Variants in GSTO2 observed in about 807,000 individuals in gnomAD.
GSTO2 encodes the protein glutathione S-transferase omega-2.
A neutral mutation model predicts 28.4 loss-of-function variants in GSTO2; 23 were observed. The ratio of observed to expected loss-of-function variants is 0.81; its 90% CI spans 0.58 to 1.15. The LOEUF (loss-of-function observed/expected upper bound fraction) is 1.15. Among genes scored for constraint, GSTO2 ranks in the 50% most tolerant of loss-of-function variants. GSTO2 has a pLI of 0.00. For missense variants in GSTO2, 298 were observed against 297.8 expected (o/e 1.00, Z 0.00); for synonymous variants, 109 against 111.0 (o/e 0.98, Z 0.11).
intron 5 of GSTO2, among the ~76,000 whole-genome samples, chr10:104,293,570 T>A (rs1381935147): frequency 7.2e-6 from 1 of 138,862 alleles, no homozygotes; most frequent in Admixed American, 7.0e-5. Flanking sequence ...CCAATTTTTT[T>A]TTTTTTTTTT....
At chr10:104,298,788 T>C (rs1461698533) in intron 6 of GSTO2, among the ~76,000 whole-genome samples, 1 of 152,204 alleles carries the variant, frequency 6.6e-6, no homozygotes, top group African/African-American at 2.4e-5. Context: ...TGTCTTTTTG[T>C]TGGCAAGCAG....
At chr10:104,293,944 C>T (rs1400386328) in intron 5 of GSTO2, among the ~76,000 whole-genome samples, 1 of 152,118 alleles carries the variant, frequency 6.6e-6, no homozygotes, top group African/African-American at 2.4e-5. Flanking sequence ...GCCCGTTAAC[C>T]TCCCTGGGAC....
At chr10:104,278,248 G>A (rs2011767318) in intron 4 of GSTO2, 132 bp downstream of exon 4, 1 of 691,038 alleles carries the variant, frequency 1.4e-6, no homozygotes, top group Admixed American at 2.4e-5. Flanking sequence ...CAGGAGATTA[G>A]CTAGCATGGA....
intron 4 of GSTO2, among the ~76,000 whole-genome samples, chr10:104,279,065 C>T (rs999476429): frequency 6.6e-6 from 1 of 152,180 alleles, no homozygotes; most frequent in Non-Finnish European, 1.5e-5. Context: ...GATGAGAACA[C>T]TGAGGCTTAG....
chr10:104,294,636 A>G (rs1354220063), intron 5 of GSTO2, among the ~76,000 whole-genome samples: 1 of 152,218 alleles, frequency 6.6e-6, no homozygotes, highest in South Asian at 2.1e-4. Flanking sequence ...GTTTCAAGAC[A>G]TATTTGGAAA....
At chr10:104,269,390 A>G (rs934276719) in intron 1 of GSTO2, 121 bp downstream of exon 1, 8 of 152,286 alleles carry the variant, frequency 5.3e-5, no homozygotes, top group African/African-American at 1.7e-4. Context: ...ACTTTTGCCT[A>G]ACACTTTACG....
At chr10:104,295,154 G>A (rs776567512) in intron 5 of GSTO2, 1 of 152,256 alleles carries the variant, frequency 6.6e-6, no homozygotes, top group South Asian at 2.1e-4. Flanking sequence ...CATAAAGTCT[G>A]GAGCCTTCTG....
intron 1 of GSTO2, among the ~76,000 whole-genome samples, chr10:104,272,218 CT>C (rs79392439): frequency 0.074 from 11,206 of 151,952 alleles, 1,386 homozygotes; most frequent in African/African-American, 0.26. Context: ...GAATCTAAAA[CT>C]TTTTTTTAAA....
At chr10:104,275,138 C>G in intron 2 of GSTO2, 88 bp from the exon 3 acceptor site, 1 of 1,526,500 alleles carries the variant, frequency 6.6e-7, no homozygotes, top group East Asian at 2.3e-5. Context: ...CCACAGCCAT[C>G]TTGGGATCTG....
chr10:104,298,556 T>C (rs2135151298), intron 6 of GSTO2, among the ~76,000 whole-genome samples: 1 of 152,370 alleles, frequency 6.6e-6, no homozygotes, highest in South Asian at 2.1e-4. Flanking sequence ...TAGTCCTGGA[T>C]TCCCGACAAC....
chr10:104,286,235 C>G (rs1003129930), intron 5 of GSTO2, among the ~76,000 whole-genome samples: 1 of 152,134 alleles, frequency 6.6e-6, no homozygotes, highest in African/African-American at 2.4e-5. Context: ...AAAAACTGCT[C>G]ACTTGTAAGC....
At position 104,299,434 on chromosome 10, in the gene GSTO2, T is replaced by C; in HGVS notation, c.*150T>C. The C allele has an allele frequency of 1.1e-6, 1 of 891,762 alleles. No homozygotes were observed. Among genetic ancestry groups the C allele is most frequent in the Non-Finnish European group, 1.7e-6 (1 of 578,756 alleles). 55.2% of individuals were successfully genotyped at this position (891,762 alleles called of 1,614,324 possible). On this transcript the variant is annotated 3_prime_UTR_variant, in exon 7 of 7. Transcript: ENST00000338595. ...AGGAAATGTATTCTTCTGATAATCA[T>C]TTGTCTGACTCCTCTAGCCTGTAGC...
rs1589879667 is a variant in GSTO2 at position 104,299,483 on chromosome 10, C to T, written c.*199C>T. On this transcript the variant is annotated 3_prime_UTR_variant, in exon 7 of 7. Coordinates refer to ENST00000338595, the MANE Select transcript of GSTO2 (RefSeq NM_183239.2). ...GCTGCTGCTACTGCTGCTTTTTTTT[C>T]CTTTTTTTTTTTGAGGCAAGATCTT... 3 of 605,130 alleles carry T rather than the reference C, an allele frequency of 5.0e-6. No homozygotes were observed. The highest frequency in any genetic ancestry group is 3.2e-5 in the East Asian group (1 of 30,988). The allele number at this position is 605,130 out of a possible 1,614,324, so 37.5% of individuals were successfully genotyped here.
intron 5 of GSTO2, among the ~76,000 whole-genome samples, chr10:104,293,792 C>T (rs1342642900): frequency 6.6e-6 from 1 of 152,002 alleles, no homozygotes; most frequent in Non-Finnish European, 1.5e-5. Context: ...AGGCTGGTCT[C>T]AAACTCCTTG....
chr10:104,298,672 T>C (rs2013156272), intron 6 of GSTO2, among the ~76,000 whole-genome samples: 1 of 152,240 alleles, frequency 6.6e-6, no homozygotes, highest in African/African-American at 2.4e-5. Flanking sequence ...GGTTTCATCC[T>C]TGTTTTATTC....
At chr10:104,282,553 CAAAA>C (rs10715615) in intron 5 of GSTO2, among the ~76,000 whole-genome samples, 1 of 102,840 alleles carries the variant, frequency 9.7e-6, no homozygotes, top group African/African-American at 3.6e-5. Context: ...AACCCTATCT[CAAAA>C]AAAAAAAAAA....
chr10:104,284,709 T>C (rs920003179), intron 5 of GSTO2, among the ~76,000 whole-genome samples: 2 of 152,252 alleles, frequency 1.3e-5, no homozygotes, highest in African/African-American at 4.8e-5. Flanking sequence ...TTTGTGGATT[T>C]GAATGTGGCA....
At chr10:104,270,935 T>C (rs762591943) in intron 1 of GSTO2, among the ~76,000 whole-genome samples, 3 of 152,214 alleles carry the variant, frequency 2.0e-5, no homozygotes, top group African/African-American at 7.2e-5. Context: ...TGACCGAAGA[T>C]CCAAACATTT....
intron 3 of GSTO2, 87 bp from the exon 4 acceptor site, chr10:104,277,807 A>G: frequency 1.2e-6 from 1 of 865,236 alleles, no homozygotes; most frequent in Non-Finnish European, 1.9e-6. Flanking sequence ...TTAACTTTTA[A>G]ACTGATTGCT....
Sources: gnomAD v4.1 joint callset for allele counts (sites outside exome capture counted in the v4.1 genomes callset) on GRCh38, gnomAD v4.1.1 for gene constraint, MANE v1.5 for transcripts, NCBI Gene and HGNC (gene_info 2026-07-23, HGNC 2026-07-21) for gene names.